The following EPHA3 variants were observed in gnomAD, a reference collection of about 807,000 sequenced individuals.
EPHA3 encodes ephrin type-A receptor 3.
Under a neutral mutation model 107.1 loss-of-function variants are expected in EPHA3, and 42 were observed. That is an observed-to-expected ratio of 0.39 (90% CI 0.31 to 0.51). The LOEUF is 0.51. Among genes scored for constraint, EPHA3 ranks in the 20% least tolerant of loss-of-function variants. The pLI is 0.78. For missense variants in EPHA3, 1,183 were observed against 1,211.2 expected (o/e 0.98, Z 0.35); for synonymous variants, 461 against 424.8 (o/e 1.09, Z -1.05).
chr3:89,245,903 C>T (rs180968396), intron 3 of EPHA3, among the ~76,000 whole-genome samples: 18 of 152,200 alleles, frequency 1.2e-4, no homozygotes, highest in Admixed American at 8.5e-4. Context: ...AATAAGGTTA[C>T]GTAAAGCCCT....
chr3:89,391,250 C>T (rs1576353663), intron 5 of EPHA3, among the ~76,000 whole-genome samples: 2 of 152,056 alleles, frequency 1.3e-5, no homozygotes, highest in East Asian at 3.9e-4. Context: ...TTCTTTAGTA[C>T]TGGCGGTGTT....
chr3:89,272,219 T>G (rs1705686756), intron 3 of EPHA3, among the ~76,000 whole-genome samples: 1 of 151,912 alleles, frequency 6.6e-6, no homozygotes, highest in African/African-American at 2.4e-5. Flanking sequence ...GTGACCCTAA[T>G]TCCTGCATTC....
At chr3:89,286,119 C>CGTGTGT (rs373081017) in intron 3 of EPHA3, among the ~76,000 whole-genome samples, 4,663 of 136,594 alleles carry the variant, frequency 0.034, 91 homozygotes, top group Non-Finnish European at 0.042. Flanking sequence ...TCAATTTCTA[C>CGTGTGT]GTGTGTGTGT....
intron 1 of EPHA3, among the ~76,000 whole-genome samples, chr3:89,117,350 T>C (rs1707281677): frequency 6.6e-6 from 1 of 152,060 alleles, no homozygotes; most frequent in African/African-American, 2.4e-5. Flanking sequence ...TCAGACTGAC[T>C]AAGGGGAACA....
chr3:89,221,893 G>T (rs1454426503), intron 3 of EPHA3, among the ~76,000 whole-genome samples: 2 of 152,112 alleles, frequency 1.3e-5, no homozygotes, highest in Non-Finnish European at 2.9e-5. Flanking sequence ...GATGGTTGGA[G>T]AAATTGGTTA....
intron 3 of EPHA3, among the ~76,000 whole-genome samples, chr3:89,285,735 T>A (rs1706066934): frequency 2.6e-5 from 4 of 152,192 alleles, no homozygotes; most frequent in African/African-American, 9.6e-5. Flanking sequence ...GCACAGAAAG[T>A]CAATCACTGA....
In EPHA3 at chr3:89,407,296, A is replaced by T; in HGVS notation, c.1622A>T (p.Gln541Leu). 1 of 1,613,538 alleles carries T rather than the reference A, an allele frequency of 6.2e-7. No homozygotes were observed. Among genetic ancestry groups the T allele is most frequent in the East Asian group, 2.2e-5 (1 of 44,840 alleles). ...TTCTCCATCTCTGGTGAAAGTAGCCAAGTGGTCATGATCGCCATTTCAGCG... is the reference window on the plus strand; with the variant it reads ...TTCTCCATCTCTGGTGAAAGTAGCCTAGTGGTCATGATCGCCATTTCAGCG... ...DSFSISGESS[Q>L]VVMIAISAAV... Residue 541 changes from glutamine (Q) to leucine (L), a missense_variant, in exon 8 of 17, where the codon CAA becomes CTA. Physicochemically the swap from Gln to Leu is moderately radical, Grantham distance 113 (BLOSUM62 -2). Transcript: ENST00000336596.
intron 5 of EPHA3, among the ~76,000 whole-genome samples, chr3:89,364,287 C>A (rs1204836511): frequency 2.0e-5 from 3 of 150,822 alleles, no homozygotes; most frequent in Non-Finnish European, 4.5e-5. Context: ...TTTTTGAAAC[C>A]AGAATTGCTT....
chr3:89,144,053 A>G (rs926905554), intron 2 of EPHA3, among the ~76,000 whole-genome samples: 2 of 151,572 alleles, frequency 1.3e-5, no homozygotes, highest in Non-Finnish European at 3.0e-5. Context: ...GTTTTTTGAA[A>G]ATTGATGAAC....
chr3:89,260,864 A>C (rs1277548305), intron 3 of EPHA3, among the ~76,000 whole-genome samples: 1 of 152,026 alleles, frequency 6.6e-6, no homozygotes, highest in Non-Finnish European at 1.5e-5. Context: ...GCTTTTTCCC[A>C]TTGTTTCCTG....
intron 1 of EPHA3, among the ~76,000 whole-genome samples, chr3:89,118,498 T>G (rs1383957536): frequency 1.3e-5 from 2 of 151,904 alleles, no homozygotes; most frequent in South Asian, 4.1e-4. Flanking sequence ...CCAAAGGTGA[T>G]CCTTTGGAAA....
intron 13 of EPHA3, among the ~76,000 whole-genome samples, chr3:89,439,798 T>C (rs1709749207): frequency 6.6e-6 from 1 of 152,054 alleles, no homozygotes; most frequent in Non-Finnish European, 1.5e-5. Flanking sequence ...CCCCGATGTT[T>C]GCATTATTTT....
chr3:89,374,952 G>T (rs907569469), intron 5 of EPHA3, among the ~76,000 whole-genome samples: 3 of 151,658 alleles, frequency 2.0e-5, no homozygotes, highest in Non-Finnish European at 4.4e-5. Context: ...TATAGCAACT[G>T]TAGGTCCTGT....
intron 15 of EPHA3, among the ~76,000 whole-genome samples, chr3:89,459,479 CTCCTTCCTTCTCTCCTTCCT>C (rs1303309542): frequency 6.9e-6 from 1 of 144,322 alleles, no homozygotes; most frequent in Non-Finnish European, 1.5e-5. Context: ...CCTTCCTTCT[CTCCTTCCTTCTCTCCTTCCT>C]TCCTTCCTTC....
chr3:89,354,984 A>T (rs548231666), intron 5 of EPHA3, among the ~76,000 whole-genome samples: 3 of 151,260 alleles, frequency 2.0e-5, no homozygotes, highest in African/African-American at 7.2e-5. Flanking sequence ...TGAAATCAAA[A>T]TTTCACATGA....
At chr3:89,242,278 A>G (rs534958604) in intron 3 of EPHA3, among the ~76,000 whole-genome samples, 44 of 152,368 alleles carry the variant, frequency 2.9e-4, no homozygotes, top group Admixed American at 5.9e-4. Context: ...TTCCATTAAA[A>G]ATAATTAGCA....
chr3:89,267,555 G>A (rs1174328641), intron 3 of EPHA3, among the ~76,000 whole-genome samples: 1 of 152,110 alleles, frequency 6.6e-6, no homozygotes, highest in Non-Finnish European at 1.5e-5. Context: ...AGCAAAGAAA[G>A]GGTGTTTCTA....
intron 3 of EPHA3, among the ~76,000 whole-genome samples, chr3:89,301,870 A>C (rs1706499175): frequency 6.6e-6 from 1 of 152,106 alleles, no homozygotes; most frequent in Non-Finnish European, 1.5e-5. Context: ...GATGTTTAAG[A>C]AAAAATGGCA....
At chr3:89,110,510 A>G (rs1707078349) in intron 1 of EPHA3, among the ~76,000 whole-genome samples, 1 of 152,016 alleles carries the variant, frequency 6.6e-6, no homozygotes, top group African/African-American at 2.4e-5. Context: ...AAATGACTCC[A>G]GGTGATAATA....
Sources: allele counts gnomAD v4.1 joint callset (sites outside exome capture counted in the v4.1 genomes callset), GRCh38; gene constraint gnomAD v4.1.1; transcripts MANE v1.5; gene names NCBI Gene and HGNC (gene_info 2026-07-23, HGNC 2026-07-21).